The following BRSK1 variants were observed in gnomAD, a reference collection of about 807,000 sequenced individuals.
BRSK1 encodes BR serine/threonine kinase 1.
A neutral mutation model predicts 86.2 loss-of-function variants in BRSK1; 17 were observed. The ratio of observed to expected loss-of-function variants is 0.20; its 90% CI spans 0.14 to 0.30. The LOEUF is 0.30. Among genes scored for constraint, BRSK1 ranks in the 10% least tolerant of loss-of-function variants. The pLI is 1.00. For synonymous variants in BRSK1, 464 were observed against 440.1 expected (o/e 1.05, Z -0.68); for missense variants, 719 against 1,071.9 (o/e 0.67, Z 4.60).
intron 18 of BRSK1, among the ~76,000 whole-genome samples, chr19:55,309,694 C>G (rs1377290232): frequency 2.6e-5 from 4 of 152,202 alleles, no homozygotes; most frequent in Non-Finnish European, 5.9e-5. Flanking sequence ...AATACCATCA[C>G]CTTGGGATTG....
intron 7 of BRSK1, among the ~76,000 whole-genome samples, chr19:55,298,218 T>C (rs2088519040): frequency 7.0e-6 from 1 of 142,036 alleles, no homozygotes; most frequent in African/African-American, 2.6e-5. Flanking sequence ...TCTTTTTTTT[T>C]TTTTTTTTTT....
At position 55,284,267 on chromosome 19, in the gene BRSK1, C is replaced by A; in HGVS notation, c.-176C>A. 2.0e-6 allele frequency: 1 copy of A among 500,942 alleles called. No homozygotes were observed. Among genetic ancestry groups the A allele is most frequent in the Non-Finnish European group, 3.1e-6 (1 of 325,474 alleles). 31.0% of individuals were successfully genotyped at this position (500,942 alleles called of 1,614,324 possible). ...CCCCCCGGGCCAGCCCCCCCTCCCCCAGCTCCGCGGCCCGCCGACTGGGGG... is the reference window on the plus strand; with the variant it reads ...CCCCCCGGGCCAGCCCCCCCTCCCCAAGCTCCGCGGCCCGCCGACTGGGGG... On this transcript the variant is annotated 5_prime_UTR_variant, in exon 1 of 19. Coordinates refer to ENST00000309383, the MANE Select transcript of BRSK1 (RefSeq NM_032430.2).
At position 55,289,909 on chromosome 19, in the gene BRSK1, C is replaced by T. The variant is rs189970130; in HGVS notation, c.458+289C>T. Among the ~76,000 whole-genome samples, 22 of 152,300 alleles carry T rather than the reference C, an allele frequency of 1.4e-4. No homozygotes were observed. In the East Asian group the frequency reaches 4.1e-3, roughly 28 times the overall value. On this transcript the variant is annotated intron_variant, in intron 4 of 18. Transcript: ENST00000309383. ...CCATTCCCCTCCTGCCCCCAGCCCC[C>T]GGCAACCTATGTTCTGTCTGTATGG... is the stretch of plus-strand genomic sequence containing the variant.
intron 4 of BRSK1, among the ~76,000 whole-genome samples, chr19:55,293,537 G>T (rs1398081765): frequency 6.7e-6 from 1 of 150,242 alleles, no homozygotes; most frequent in Non-Finnish European, 1.5e-5. Flanking sequence ...ATAAGGCTGG[G>T]TGCTGTGGTT....
In BRSK1 at chr19:55,302,277, G is replaced by C; in HGVS notation, c.857+109G>C. On this transcript the variant is annotated intron_variant, in intron 9 of 18. Coordinates refer to ENST00000309383, the MANE Select transcript of BRSK1 (RefSeq NM_032430.2). The surrounding 1 kb of genome is among the most constrained non-coding windows in gnomAD (Gnocchi z 6.3). ...GATGCCAGGGTTCCTGAGAGGCAAC[G>C]GGCTAGGGACTCGGACTTATGGGTC... 2 of 1,293,238 alleles carry C rather than the reference G, an allele frequency of 1.5e-6. No individual in the cohort carries two copies. Among genetic ancestry groups the C allele is most frequent in the South Asian group, 2.4e-5 (2 of 84,616 alleles). The allele number at this position is 1,293,238 out of a possible 1,614,324, so 80.1% of individuals were successfully genotyped here. A position where few individuals can be genotyped will look rare whatever the true frequency, so the allele number is the denominator to read the frequency against.
chr19:55,288,962 G>A (rs553978838), intron 3 of BRSK1, among the ~76,000 whole-genome samples: 2 of 152,226 alleles, frequency 1.3e-5, no homozygotes, highest in East Asian at 1.9e-4. Flanking sequence ...TTGGACTGGT[G>A]CAACCTTGCA....
rs560304549 is a variant in BRSK1 at position 55,305,644 on chromosome 19, C to T, written c.1890+58C>T. 42 of 1,610,038 alleles carry T rather than the reference C, an allele frequency of 2.6e-5. No individual in the cohort carries two copies. The East Asian group carries it at 8.2e-4, about 32-fold the overall frequency. On this transcript the variant is annotated intron_variant, in intron 16 of 18. Transcript: ENST00000309383. ...CCCGCAGAACTACAAGTCCCAGCAGCCCCTGGGGCTAACCACCTTAGCATA... is the reference window on the plus strand; with the variant it reads ...CCCGCAGAACTACAAGTCCCAGCAGTCCCTGGGGCTAACCACCTTAGCATA...
chr19:55,303,173 G>C lies in BRSK1; in HGVS notation c.1029-138G>C, dbSNP rs2088597484. 1.3e-5 allele frequency: 9 copies of C among 707,610 alleles called. No homozygotes were observed. In the South Asian group the frequency reaches 1.6e-4, roughly 13 times the overall value. 43.8% of individuals were successfully genotyped at this position (707,610 alleles called of 1,614,324 possible). ...CAGCTGAGATGTACCCTAAACCAGA[G>C]AAACTGACCATACTGATACCTAGAA... is the stretch of plus-strand genomic sequence containing the variant. On this transcript the variant is annotated intron_variant, in intron 10 of 18. Coordinates refer to ENST00000309383, the MANE Select transcript of BRSK1 (RefSeq NM_032430.2). This position sits in a 1 kb window ranked among gnomAD's most constrained non-coding sequence, Gnocchi z 5.1.
chr19:55,290,734 C>T (rs930152012), intron 4 of BRSK1, among the ~76,000 whole-genome samples: 3 of 151,934 alleles, frequency 2.0e-5, no homozygotes, highest in South Asian at 2.1e-4. Flanking sequence ...CTCCGCCTCC[C>T]GGGTTCACGC....
rs2088455942 is a variant in BRSK1 at position 55,294,465 on chromosome 19, C to T, written c.678+68C>T. ...ACCTGGTGGGAGCATAGGACAGTAC[C>T]TTCCATCCTCAGGTCATCTCCTGAA... On this transcript the variant is annotated intron_variant, in intron 7 of 18. Coordinates refer to ENST00000309383, the MANE Select transcript of BRSK1 (RefSeq NM_032430.2). The surrounding 1 kb of genome is among the most constrained non-coding windows in gnomAD (Gnocchi z 4.9). 2.0e-6 allele frequency: 3 copies of T among 1,516,696 alleles called. No individual in the cohort carries two copies. The highest frequency in any genetic ancestry group is 2.7e-6 in the Non-Finnish European group (3 of 1,105,224). 94.0% of individuals were successfully genotyped at this position (1,516,696 alleles called of 1,614,324 possible).
rs1264436875 is a variant in BRSK1, at chr19:55,284,092, G to A, written c.-351G>A. 3 of 449,934 alleles carry A rather than the reference G, an allele frequency of 6.7e-6. No homozygotes were observed. Among genetic ancestry groups the A allele is most frequent in the Non-Finnish European group, 1.1e-5 (3 of 278,340 alleles). The allele number at this position is 449,934 out of a possible 1,614,324, so 27.9% of individuals were successfully genotyped here. On this transcript the variant is annotated 5_prime_UTR_variant, in exon 1 of 19. Transcript: ENST00000309383. ...GAGGAGAGAGGGCGCGTGGGGGGGC[G>A]GGGGGGACCTCGGCCTGCAGCATCC...
chr19:55,306,323 C>A lies in BRSK1; in HGVS notation c.1962C>A (p.Pro654=). 6.2e-7 allele frequency: 1 copy of A among 1,614,166 alleles called. No individual in the cohort carries two copies. The highest frequency in any genetic ancestry group is 1.1e-5 in the South Asian group (1 of 91,090). Residue 654 remains proline, a synonymous_variant, in exon 17 of 19, where the codon CCC becomes CCA. Coordinates refer to ENST00000309383, the MANE Select transcript of BRSK1 (RefSeq NM_032430.2). This position sits in a 1 kb window ranked among gnomAD's most constrained non-coding sequence, Gnocchi z 4.7. Reference sequence around the variant, plus strand: ...CCGAGTACAAGGCCAGTGGCGGCCCCTCCGTCTTCCAAAAGCCCGTCCGCT... The same window carrying A: ...CCGAGTACAAGGCCAGTGGCGGCCCATCCGTCTTCCAAAAGCCCGTCCGCT... ...FRAEYKASGG[P]SVFQKPVRFQ... is the part of the protein sequence containing the mutation.
In BRSK1 at chr19:55,284,235, G is replaced by A. The variant is rs2088273993; in HGVS notation, c.-208G>A. On this transcript the variant is annotated 5_prime_UTR_variant, in exon 1 of 19. Transcript: ENST00000309383. ...CCCCTGGGCCATGCTGACTCCCGGG[G>A]CCTGACCCCCCCGGGCCAGCCCCCC... The A allele has an allele frequency of 7.5e-6, 4 of 536,050 alleles. No homozygotes were observed. The highest frequency in any genetic ancestry group is 1.1e-5 in the Non-Finnish European group (4 of 357,286). 33.2% of individuals were successfully genotyped at this position (536,050 alleles called of 1,614,324 possible). A position where few individuals can be genotyped will look rare whatever the true frequency, so the allele number is the denominator to read the frequency against.
rs1330638986 is a variant in BRSK1 at position 55,310,434 on chromosome 19, C to T, written c.2180-1477C>T. ...CCAAGATAATCCCCCAACTCGTGGT[C>T]CCTCACCTTCCCCACAGCACAGGAT... is the stretch of plus-strand genomic sequence containing the variant. On this transcript the variant is annotated intron_variant, in intron 18 of 18. Transcript: ENST00000309383. The surrounding 1 kb of genome is among the most constrained non-coding windows in gnomAD (Gnocchi z 5.0). 6.6e-6 allele frequency among the ~76,000 whole-genome samples: 1 copy of T among 152,156 alleles called. No individual in the cohort carries two copies. Among genetic ancestry groups the T allele is most frequent in the Non-Finnish European group, 1.5e-5 (1 of 68,032 alleles).
chr19:55,289,825 C>T (rs2088377834), intron 4 of BRSK1, among the ~76,000 whole-genome samples: 1 of 152,144 alleles, frequency 6.6e-6, no homozygotes, highest in Admixed American at 6.6e-5. Context: ...TATACATCTG[C>T]CACTGTGGAA....
At chr19:55,288,273 C>G (rs932186670) in intron 3 of BRSK1, among the ~76,000 whole-genome samples, 1 of 151,920 alleles carries the variant, frequency 6.6e-6, no homozygotes, top group East Asian at 1.9e-4. Flanking sequence ...TTGAAGAGCT[C>G]GAGACCAGCC....
At position 55,303,487 on chromosome 19, in the gene BRSK1, A is replaced by G. The variant is rs2122979615; in HGVS notation, c.1126+79A>G. On this transcript the variant is annotated intron_variant, in intron 11 of 18. Transcript: ENST00000309383. The surrounding 1 kb of genome is among the most constrained non-coding windows in gnomAD (Gnocchi z 5.1). ...CTGGCCACGGGGACCCCAGATTCCC[A>G]AGGAAAGAAGGGGCTGCAGGCTCTG... 1 of 1,517,004 alleles carries G rather than the reference A, an allele frequency of 6.6e-7. No homozygotes were observed. The highest frequency in any genetic ancestry group is 2.3e-5 in the East Asian group (1 of 44,324). The allele number at this position is 1,517,004 out of a possible 1,614,324, so 94.0% of individuals were successfully genotyped here. A position where few individuals can be genotyped will look rare whatever the true frequency, so the allele number is the denominator to read the frequency against.
Position 55,287,251 on chromosome 19 carries a change from A to G in BRSK1, c.269A>G (p.His90Arg). 1 of 1,613,946 alleles carries G rather than the reference A, an allele frequency of 6.2e-7. No individual in the cohort carries two copies. The change falls in exon 3 of 19, where the codon CAC becomes CGC. Residue 90 changes from histidine (H) to arginine (R), a missense_variant. Physicochemically the swap from His to Arg is conservative, Grantham distance 29. Around this residue, in one of 6 missense-constraint regions of BRSK1, gnomAD observed 75 missense variants for 281.0 expected, o/e 0.27. Coordinates refer to ENST00000309383, the MANE Select transcript of BRSK1 (RefSeq NM_032430.2). The surrounding 1 kb of genome is among the most constrained non-coding windows in gnomAD (Gnocchi z 5.3). ...REIAILKLIE[H>R]PHVLKLHDVY... Reference sequence around the variant, plus strand: ...ATCGCCATCCTGAAGCTCATCGAACACCCACATGTCCTCAAGCTCCACGAC... The same window carrying G: ...ATCGCCATCCTGAAGCTCATCGAACGCCCACATGTCCTCAAGCTCCACGAC...
chr19:55,284,491 C>CG lies in BRSK1; in HGVS notation c.49_50insG (p.Leu17ArgfsTer33). 5 of 1,138,110 alleles carry CG rather than the reference C, an allele frequency of 4.4e-6. No individual in the cohort carries two copies. Among genetic ancestry groups the CG allele is most frequent in the African/African-American group, 1.6e-5 (1 of 61,806 alleles). The allele number at this position is 1,138,110 out of a possible 1,614,324, so 70.5% of individuals were successfully genotyped here. ...AGGTGGGGGCTCTCCCGCCTACCACCTCCCCCACCCCCACCCCCACCCACC... is the reference window on the plus strand; with the variant it reads ...AGGTGGGGGCTCTCCCGCCTACCACCGTCCCCCACCCCCACCCCCACCCACC... On this transcript the variant is annotated frameshift_variant, in exon 1 of 19. Transcript: ENST00000309383. LOFTEE classifies it high-confidence loss of function.
Sources: allele counts gnomAD v4.1 joint callset (sites outside exome capture counted in the v4.1 genomes callset), GRCh38; gene constraint gnomAD v4.1.1; regional missense constraint gnomAD v4.1.1; non-coding constraint Gnocchi (gnomAD v3.1); transcripts MANE v1.5; gene names NCBI Gene and HGNC (gene_info 2026-07-23, HGNC 2026-07-21).